EML6: variants seen among roughly 807,000 people sequenced by gnomAD.
The protein encoded by EML6 is EMAP like 6.
In EML6, 154 loss-of-function variants were observed where a neutral mutation model predicts 240.1. The observed-to-expected ratio is 0.64, with a 90% CI of 0.56 to 0.73. The LOEUF (loss-of-function observed/expected upper bound fraction) is 0.73, where lower values mean the gene tolerates loss of function less well. Among genes scored for constraint, EML6 ranks in the 30% least tolerant of loss-of-function variants. The pLI is 0.00. For missense variants in EML6, 2,964 were observed against 2,474.6 expected (o/e 1.20, Z -4.20); for synonymous variants, 1,148 against 899.0 (o/e 1.28, Z -4.95).
Position 54,964,697 on chromosome 2 carries a change from T to G in EML6, c.5457T>G (p.Ile1819Met), listed in dbSNP as rs1433340208. 6.4e-7 allele frequency: 1 copy of G among 1,552,088 alleles called. No homozygotes were observed. Among genetic ancestry groups the G allele is most frequent in the Non-Finnish European group, 8.7e-7 (1 of 1,147,076 alleles). ...GYCKDIPSFV[I>M]QMDFSADGKY... ...GCAAAGATATCCCAAGCTTTGTCAT[T>G]CAGATGGATTTTTCTGCGGATGGCA... The change falls in exon 38 of 42, where the codon ATT becomes ATG. Residue 1819 changes from isoleucine (I) to methionine (M), a missense_variant. Ile to Met is a conservative substitution (Grantham distance 10). Transcript: ENST00000356458.
intron 27 of EML6, 37 bp downstream of exon 27, chr2:54,928,551 A>T: frequency 6.5e-7 from 1 of 1,549,280 alleles, no homozygotes; most frequent in Non-Finnish European, 8.7e-7. Context: ...CCTGCGCCGA[A>T]TGCACCTCCC....
chr2:54,896,078 ACTGGCCACCCT>A (rs1057075868), intron 21 of EML6, among the ~76,000 whole-genome samples: 4 of 152,200 alleles, frequency 2.6e-5, no homozygotes, highest in African/African-American at 9.7e-5. Flanking sequence ...GGTCACCGTC[ACTGGCCACCCT>A]CTGGCCACCA....
intron 2 of EML6, among the ~76,000 whole-genome samples, chr2:54,767,781 G>A (rs533117121): frequency 1.3e-5 from 2 of 152,126 alleles, no homozygotes; most frequent in African/African-American, 4.8e-5. Context: ...CACCATGCCT[G>A]GCTAATTTTT....
At chr2:54,895,943 A>G (rs761414200) in intron 21 of EML6, among the ~76,000 whole-genome samples, 4 of 152,250 alleles carry the variant, frequency 2.6e-5, no homozygotes, top group Admixed American at 6.5e-5. Flanking sequence ...ATGTCATCAC[A>G]TATGTGGAAT....
At position 54,829,438 on chromosome 2, in the gene EML6, A is replaced by G; in HGVS notation, c.808A>G (p.Thr270Ala). The G allele has an allele frequency of 6.4e-7, 1 of 1,552,010 alleles. No individual in the cohort carries two copies. Among genetic ancestry groups the G allele is most frequent in the Non-Finnish European group, 8.7e-7 (1 of 1,146,894 alleles). ...RLWDTDFKPI[T>A]KIDLRETEQG... ...GTGGGACACTGATTTCAAACCAATA[A>G]CCAAAATTGATCTCAGGGAGACAGA... The change falls in exon 7 of 42, where the codon ACC (threonine) becomes GCC (alanine). Residue 270 changes from threonine to alanine, a missense_variant. Coordinates refer to ENST00000356458, the MANE Select transcript of EML6 (RefSeq NM_001039753.4).
intron 2 of EML6, among the ~76,000 whole-genome samples, chr2:54,792,884 T>G (rs1572904003): frequency 6.6e-6 from 1 of 152,208 alleles, no homozygotes; most frequent in African/African-American, 2.4e-5. Flanking sequence ...GTTACTTCTG[T>G]CAGACAACAG....
chr2:54,819,773 GA>G (rs375657743), intron 4 of EML6, among the ~76,000 whole-genome samples: 39 of 123,106 alleles, frequency 3.2e-4, no homozygotes, highest in East Asian at 6.9e-4. Context: ...GACTGTCTCA[GA>G]AAAAAAAAAA....
intron 7 of EML6, among the ~76,000 whole-genome samples, chr2:54,836,129 G>A (rs1343781184): frequency 6.6e-6 from 1 of 152,188 alleles, no homozygotes; most frequent in Admixed American, 6.5e-5. Flanking sequence ...AGCCTCAGGA[G>A]CTGGAGACAG....
intron 17 of EML6, among the ~76,000 whole-genome samples, chr2:54,884,357 A>G (rs940944098): frequency 6.6e-6 from 1 of 152,038 alleles, no homozygotes; most frequent in Non-Finnish European, 1.5e-5. Context: ...AGTTCTCCAA[A>G]CCCTGTGCTT....
At chr2:54,947,823 T>A (rs1303591469) in intron 28 of EML6, among the ~76,000 whole-genome samples, 1 of 152,148 alleles carries the variant, frequency 6.6e-6, no homozygotes, top group Non-Finnish European at 1.5e-5. Context: ...CTTTCTGAAT[T>A]TGTAGACTGG....
chr2:54,729,348 G>A (rs1683054245), intron 2 of EML6, among the ~76,000 whole-genome samples: 1 of 152,186 alleles, frequency 6.6e-6, no homozygotes, highest in African/African-American at 2.4e-5. Flanking sequence ...CACTTAATAT[G>A]TATCATTTAG....
In EML6 at chr2:54,971,668, C is replaced by G. The variant is rs1343639593; in HGVS notation, c.*1573C>G. 6.6e-6 allele frequency: 1 copy of G among 152,284 alleles called. No homozygotes were observed. The highest frequency in any genetic ancestry group is 1.9e-4 in the East Asian group (1 of 5,182). The allele number at this position is 152,284 out of a possible 1,614,324, so 9.4% of individuals were successfully genotyped here. ...CCGCAGTAGAGTCCCTATGCAGTCC[C>G]AATTCTGTTTTCTGTAACCATGTGA... is the stretch of plus-strand genomic sequence containing the variant. On this transcript the variant is annotated 3_prime_UTR_variant, in exon 42 of 42. Coordinates refer to ENST00000356458, the MANE Select transcript of EML6 (RefSeq NM_001039753.4).
chr2:54,813,488 T>G, intron 3 of EML6, 97 bp downstream of exon 3: 2 of 1,052,108 alleles, frequency 1.9e-6, no homozygotes, highest in South Asian at 1.5e-5. Context: ...CCATCAACCC[T>G]TGCTGGTTCT....
At chr2:54,836,518 C>G (rs1229654320) in intron 7 of EML6, among the ~76,000 whole-genome samples, 1 of 152,194 alleles carries the variant, frequency 6.6e-6, no homozygotes, top group Non-Finnish European at 1.5e-5. Flanking sequence ...GCAGTCCACG[C>G]TTAGGATGAC....
chr2:54,793,752 G>A (rs1009382863), intron 2 of EML6, among the ~76,000 whole-genome samples: 8 of 152,114 alleles, frequency 5.3e-5, no homozygotes, highest in Non-Finnish European at 1.0e-4. Flanking sequence ...CCAGGAAGCG[G>A]GGCTGGTTTG....
At position 54,954,165 on chromosome 2, in the gene EML6, G is replaced by T. The variant is rs899113731; in HGVS notation, c.4486+9G>T. On this transcript the variant is annotated intron_variant, in intron 32 of 41. Coordinates refer to ENST00000356458, the MANE Select transcript of EML6 (RefSeq NM_001039753.4). ...CTGGCGATGGCAGGAAGGTAAACCA[G>T]CACTGGGCTTTCTGTCCCTCCAGGG... The T allele has an allele frequency of 6.5e-7, 1 of 1,549,154 alleles. No homozygotes were observed. Among genetic ancestry groups the T allele is most frequent in the African/African-American group, 1.4e-5 (1 of 73,008 alleles).
At chr2:54,886,161 T>C (rs1222009153) in intron 17 of EML6, among the ~76,000 whole-genome samples, 1 of 30,438 alleles carries the variant, frequency 3.3e-5, no homozygotes, top group African/African-American at 1.3e-4. Context: ...TTTAACCTTC[T>C]TTTTTTTTTT....
intron 21 of EML6, among the ~76,000 whole-genome samples, chr2:54,897,117 G>C (rs181105694): frequency 1.3e-5 from 2 of 152,036 alleles, no homozygotes; most frequent in East Asian, 1.9e-4. Flanking sequence ...CCAAATGTTT[G>C]AGAATGTAAA....
At chr2:54,903,264 A>G (rs569494461) in intron 23 of EML6, 68 bp downstream of exon 23, 3 of 1,523,400 alleles carry the variant, frequency 2.0e-6, no homozygotes, top group East Asian at 2.5e-5. Flanking sequence ...AGAATGAACT[A>G]TTTCAAATGT....
Sources: gnomAD v4.1 joint callset for allele counts (sites outside exome capture counted in the v4.1 genomes callset) on GRCh38, gnomAD v4.1.1 for gene constraint, MANE v1.5 for transcripts, NCBI Gene and HGNC (gene_info 2026-07-23, HGNC 2026-07-21) for gene names.